The following CTNNA2 variants were observed in gnomAD, a reference collection of about 807,000 sequenced individuals.
The protein encoded by CTNNA2 is catenin alpha-2.
Under a neutral mutation model 101.0 loss-of-function variants are expected in CTNNA2, and 42 were observed. The ratio of observed to expected loss-of-function variants is 0.42; its 90% CI spans 0.32 to 0.54. CTNNA2 has a LOEUF of 0.54. CTNNA2 is among the 20% of genes least tolerant of loss of function. CTNNA2 has a pLI of 0.14. For synonymous variants in CTNNA2, 450 were observed against 456.4 expected (o/e 0.99, Z 0.18); for missense variants, 871 against 1,223.1 (o/e 0.71, Z 4.29).
intron 1 of CTNNA2, among the ~76,000 whole-genome samples, chr2:79,197,799 G>A (rs1406951435): frequency 6.6e-6 from 1 of 152,170 alleles, no homozygotes; most frequent in Admixed American, 6.6e-5. Context: ...TGTTGAGACG[G>A]AGTCTCGCTT....
intron 4 of CTNNA2, among the ~76,000 whole-genome samples, chr2:79,451,540 T>C (rs1301609281): frequency 6.6e-6 from 1 of 151,948 alleles, no homozygotes; most frequent in Non-Finnish European, 1.5e-5. Context: ...ATAATCTCAC[T>C]GTACAGATGA....
chr2:79,216,501 C>T (rs1038101758), intron 2 of CTNNA2, among the ~76,000 whole-genome samples: 7 of 150,996 alleles, frequency 4.6e-5, no homozygotes, highest in Non-Finnish European at 8.8e-5. Flanking sequence ...AATAAGGGAT[C>T]GGGGCACAGA....
chr2:79,988,466 ATGTGTGTGTGTGTGTG>A (rs70940067), intron 7 of CTNNA2, among the ~76,000 whole-genome samples: 1 of 149,026 alleles, frequency 6.7e-6, no homozygotes, highest in African/African-American at 2.5e-5. Context: ...GTGTATGTGT[ATGTGTGTGTGTGTGTG>A]TGTGTGTGTG....
intron 1 of CTNNA2, among the ~76,000 whole-genome samples, chr2:79,569,633 G>A (rs777091447): frequency 4.6e-5 from 7 of 152,078 alleles, no homozygotes; most frequent in Admixed American, 1.3e-4. Context: ...TGATACCAGC[G>A]CCAAAAATGT....
chr2:79,656,619 G>C (rs766404222), intron 2 of CTNNA2, among the ~76,000 whole-genome samples: 32 of 152,066 alleles, frequency 2.1e-4, no homozygotes, highest in Non-Finnish European at 3.2e-4. Context: ...TACATTTATT[G>C]TATAATGTTG....
chr2:79,498,048 G>A (rs1671278028), intron 4 of CTNNA2: 2 of 152,190 alleles, frequency 1.3e-5, no homozygotes, highest in African/African-American at 2.4e-5. Context: ...CTGATAAATA[G>A]TAAGTATTCA....
rs190816613 is a variant in CTNNA2, at chr2:80,332,575, G to A, written c.1057-60636G>A. Among the ~76,000 whole-genome samples the A allele has an allele frequency of 2.3e-3, 350 of 152,250 alleles. 2 individuals carry two copies. Among genetic ancestry groups the A allele is most frequent in the African/African-American group, 7.6e-3 (315 of 41,540 alleles). On this transcript the variant is annotated intron_variant, in intron 7 of 18. Transcript: ENST00000402739. Reference sequence around the variant, plus strand: ...GAGAACAAACTTGCCTAATAAAAAAGGAGAGTTAAAGAGGGAAAGCAGAGA... The same window carrying A: ...GAGAACAAACTTGCCTAATAAAAAAAGAGAGTTAAAGAGGGAAAGCAGAGA...
rs565002156 is a variant in CTNNA2, at chr2:80,375,917, C to A, written c.1057-17294C>A. On this transcript the variant is annotated intron_variant, in intron 7 of 18. Coordinates refer to ENST00000402739, the MANE Select transcript of CTNNA2 (RefSeq NM_001282597.3). ...CAGGACTTTTTACTCACTTTTGATT[C>A]CTGGTTTCTGGCTTCCCTTTCTGAC... 3.3e-5 allele frequency among the ~76,000 whole-genome samples: 5 copies of A among 152,122 alleles called. No homozygotes were observed. The South Asian group carries it at 8.3e-4, about 25-fold the overall frequency.
intron 7 of CTNNA2, among the ~76,000 whole-genome samples, chr2:80,147,460 G>T (rs373685957): frequency 6.6e-6 from 1 of 152,156 alleles, no homozygotes. Context: ...AAATGCTGTT[G>T]TTGGGAACTA....
At chr2:80,012,811 A>G (rs1465142890) in intron 7 of CTNNA2, among the ~76,000 whole-genome samples, 2 of 152,166 alleles carry the variant, frequency 1.3e-5, no homozygotes, top group East Asian at 3.9e-4. Flanking sequence ...AAATGATCAC[A>G]GGATATTTCT....
At position 80,619,225 on chromosome 2, in the gene CTNNA2, C is replaced by A. The variant is rs1251414419; in HGVS notation, c.2571C>A (p.Ser857=). The change falls in exon 18 of 19, where the codon TCC becomes TCA. Residue 857 remains serine (S), a synonymous_variant. Transcript: ENST00000402739. ...APIGSGSSDS[S]MLDSATSLIQ... ...TCGGGAGTGGAAGCAGTGATTCCTC[C>A]ATGGTGAGTAAATTGACTTTCTAAT... 1 of 1,558,614 alleles carries A rather than the reference C, an allele frequency of 6.4e-7. No homozygotes were observed. The highest frequency in any genetic ancestry group is 1.9e-5 in the Admixed American group (1 of 51,664).
At chr2:79,777,876 G>C (rs1245257514) in intron 3 of CTNNA2, among the ~76,000 whole-genome samples, 2 of 148,536 alleles carry the variant, frequency 1.3e-5, no homozygotes, top group Non-Finnish European at 3.0e-5. Context: ...ACCAGTCATA[G>C]ATTTATTTGC....
intron 4 of CTNNA2, among the ~76,000 whole-genome samples, chr2:79,500,013 TG>T (rs547673091): frequency 9.8e-5 from 15 of 152,338 alleles, no homozygotes; most frequent in Non-Finnish European, 2.1e-4. Context: ...GGCTTTCAGC[TG>T]ATTGGATGAG....
intron 7 of CTNNA2, among the ~76,000 whole-genome samples, chr2:80,212,243 T>G (rs1045749451): frequency 9.2e-5 from 14 of 152,192 alleles, no homozygotes; most frequent in African/African-American, 3.4e-4. Context: ...GGCCAGAACT[T>G]CCAACATTAT....
chr2:79,787,760 T>A (rs1674960658), intron 3 of CTNNA2, among the ~76,000 whole-genome samples: 1 of 151,974 alleles, frequency 6.6e-6, no homozygotes, highest in South Asian at 2.1e-4. Flanking sequence ...GCTACCACTG[T>A]CACATCTCCT....
chr2:79,859,295 G>T (rs1180715294), intron 4 of CTNNA2, among the ~76,000 whole-genome samples: 2 of 152,034 alleles, frequency 1.3e-5, no homozygotes, highest in African/African-American at 4.8e-5. Flanking sequence ...AGGGGAGATA[G>T]GAAATGAATA....
rs70940029 is a variant in CTNNA2, at chr2:79,338,578, A to ATCTTCTTCTTCTTCT, written c.-318+25833_-318+25847dup. On this transcript the variant is annotated intron_variant, in intron 3 of 21. Transcript: ENST00000466387. ...TTTCTTCTTCTTCTTCCTCCTCATC[A>ATCTTCTTCTTCTTCT]TCTTCTTCTTCTTCTTCTTCTTCTT... Among the ~76,000 whole-genome samples the ATCTTCTTCTTCTTCT allele has an allele frequency of 1.4e-3, 168 of 117,778 alleles. 1 individual carries two copies. The highest frequency in any genetic ancestry group is 8.8e-3 in the Middle Eastern group (2 of 228). 77.3% of individuals were successfully genotyped at this position (117,778 alleles called of 152,430 possible).
rs528524459 is a variant in CTNNA2, at chr2:80,637,655, TGAG to T, written c.2575-9926_2575-9924del. 2.0e-3 allele frequency among the ~76,000 whole-genome samples: 307 copies of T among 152,184 alleles called. 1 individual carries two copies. The highest frequency in any genetic ancestry group is 3.8e-3 in the Non-Finnish European group (257 of 67,988). On this transcript the variant is annotated intron_variant, in intron 18 of 18. Coordinates refer to ENST00000402739, the MANE Select transcript of CTNNA2 (RefSeq NM_001282597.3). ...TGACTAGTTATTTCCATACACCTGA[TGAG>T]GAGAGGATCACAGGCTGCATGGGTG...
chr2:79,530,908 C>T (rs1672697467), intron 1 of CTNNA2, among the ~76,000 whole-genome samples: 1 of 151,898 alleles, frequency 6.6e-6, no homozygotes, highest in Non-Finnish European at 1.5e-5. Context: ...AATTAGTTTC[C>T]TAGAGTAGGT....
Sources: allele counts gnomAD v4.1 joint callset (sites outside exome capture counted in the v4.1 genomes callset), GRCh38; gene constraint gnomAD v4.1.1; transcripts MANE v1.5; gene names NCBI Gene and HGNC (gene_info 2026-07-23, HGNC 2026-07-21).